ZBTB16: variants seen among roughly 807,000 people sequenced by gnomAD.
The protein encoded by ZBTB16 is zinc finger and BTB domain-containing protein 16.
A neutral mutation model predicts 56.8 loss-of-function variants in ZBTB16; 8 were observed. That is an observed-to-expected ratio of 0.14 (90% CI 0.08 to 0.25). The LOEUF is 0.25. Ranked by LOEUF, ZBTB16 falls within the 10% of genes least tolerant of loss-of-function variation. The probability of loss-of-function intolerance (pLI) is 1.00; values close to 1 mark genes in which losing one functional copy is unlikely to be tolerated. For synonymous variants in ZBTB16, 363 were observed against 368.5 expected, an observed-to-expected ratio of 0.98 and a Z score of 0.17; for missense variants, 625 against 903.0, an observed-to-expected ratio of 0.69 and a Z score of 3.95.
At position 114,065,373 on chromosome 11, in the gene ZBTB16, A is replaced by G. The variant is rs1327570669; in HGVS notation, c.1268+805A>G. On this transcript the variant is annotated intron_variant, in intron 2 of 6. Transcript: ENST00000335953. The stretch of plus-strand genomic sequence containing the variant: ...TTTGGTTCAGTACTAAGCACTTTCC[A>G]TGAGTTGCATTTTCATTACAACAGC... 1.3e-4 allele frequency among the ~76,000 whole-genome samples: 20 copies of G among 152,108 alleles called. 2 individuals carry two copies. In the South Asian group the frequency reaches 2.5e-3, roughly 19 times the overall value.
chr11:114,129,502 G>T (rs1055889116), intron 2 of ZBTB16, among the ~76,000 whole-genome samples: 1 of 152,212 alleles, frequency 6.6e-6, no homozygotes, highest in African/African-American at 2.4e-5. Context: ...CCCAGCACGC[G>T]CCCCTTGGCC....
intron 2 of ZBTB16, among the ~76,000 whole-genome samples, chr11:114,076,973 G>C (rs1254191829): frequency 6.6e-6 from 1 of 152,098 alleles, no homozygotes; most frequent in Non-Finnish European, 1.5e-5. Context: ...TCAACGGCTG[G>C]GGGGGAGAAT....
chr11:114,240,626 ACAGAGCC>A (rs571990600), intron 4 of ZBTB16, among the ~76,000 whole-genome samples: 1 of 152,246 alleles, frequency 6.6e-6, no homozygotes, highest in East Asian at 1.9e-4. Context: ...GCTCAGGAAA[ACAGAGCC>A]CAAAAGGGTG....
chr11:114,164,384 T>C (rs940859606), intron 3 of ZBTB16, among the ~76,000 whole-genome samples: 1 of 152,196 alleles, frequency 6.6e-6, no homozygotes, highest in African/African-American at 2.4e-5. Flanking sequence ...TATTAGGAAA[T>C]GAATGGTGCC....
At chr11:114,223,089 C>T (rs553950858) in intron 4 of ZBTB16, among the ~76,000 whole-genome samples, 1 of 152,306 alleles carries the variant, frequency 6.6e-6, no homozygotes, top group East Asian at 1.9e-4. Context: ...TGTAGGTGCT[C>T]GTTGGCTGCA....
chr11:114,112,238 A>G (rs1249162134), intron 2 of ZBTB16, among the ~76,000 whole-genome samples: 1 of 152,204 alleles, frequency 6.6e-6, no homozygotes, highest in African/African-American at 2.4e-5. Flanking sequence ...GATTCTTCCC[A>G]GTCTATCATT....
At chr11:114,114,675 G>GT (rs1182346799) in intron 2 of ZBTB16, among the ~76,000 whole-genome samples, 1 of 150,026 alleles carries the variant, frequency 6.7e-6, no homozygotes, top group Non-Finnish European at 1.5e-5. Flanking sequence ...TATGCTATAT[G>GT]TTTTTTCTTT....
rs1938748004 is a variant in ZBTB16, at chr11:114,059,787, G to A, written c.-186G>A. Reference sequence around the variant, plus strand: ...ATGCTGTCGCTGCCGCCGTGATACGGAGAGCAACAGTTCCCCAGCAACACC... The same window carrying A: ...ATGCTGTCGCTGCCGCCGTGATACGAAGAGCAACAGTTCCCCAGCAACACC... On this transcript the variant is annotated 5_prime_UTR_variant, in exon 1 of 7. Coordinates refer to ENST00000335953, the MANE Select transcript of ZBTB16 (RefSeq NM_006006.6). The surrounding 1 kb of genome is among the most constrained non-coding windows in gnomAD (Gnocchi z 5.3). The A allele has an allele frequency of 2.5e-6, 1 of 398,420 alleles. No homozygotes were observed. The highest frequency in any genetic ancestry group is 3.6e-5 in the East Asian group (1 of 28,024). The allele number at this position is 398,420 out of a possible 1,614,324, so 24.7% of individuals were successfully genotyped here.
intron 2 of ZBTB16, among the ~76,000 whole-genome samples, chr11:114,105,173 G>A (rs1483723382): frequency 6.6e-6 from 1 of 151,622 alleles, no homozygotes. Context: ...CTGATTTTTT[G>A]AAAAAGCCTG....
chr11:114,078,790 T>A (rs1018923227), intron 2 of ZBTB16, among the ~76,000 whole-genome samples: 1 of 151,872 alleles, frequency 6.6e-6, no homozygotes, highest in African/African-American at 2.4e-5. Flanking sequence ...GGGAAGAAGG[T>A]TGGCTTTAGA....
chr11:114,242,017 GTGTTGCATAGCC>G (rs1944715635), intron 4 of ZBTB16, 138 bp from the exon 5 acceptor site: 2 of 1,036,192 alleles, frequency 1.9e-6, no homozygotes, highest in Admixed American at 4.0e-5. Flanking sequence ...TGGGTGCTCA[GTGTTGCATAGCC>G]TGGGCCCACT....
intron 3 of ZBTB16, among the ~76,000 whole-genome samples, chr11:114,178,921 C>T (rs886532376): frequency 2.6e-5 from 4 of 152,152 alleles, no homozygotes; most frequent in Non-Finnish European, 5.9e-5. Flanking sequence ...ATCTAAAAAC[C>T]ACCTGTCCTC....
At chr11:114,066,421 G>A (rs959423324) in intron 2 of ZBTB16, among the ~76,000 whole-genome samples, 3 of 152,198 alleles carry the variant, frequency 2.0e-5, no homozygotes, top group Non-Finnish European at 4.4e-5. Flanking sequence ...CTTTCCTAAA[G>A]AGGAAACCCG....
chr11:114,078,081 G>A (rs1032680245), intron 2 of ZBTB16, among the ~76,000 whole-genome samples: 1 of 152,178 alleles, frequency 6.6e-6, no homozygotes, highest in African/African-American at 2.4e-5. Context: ...GGCTGGAGAA[G>A]TGTGAAAGAG....
At chr11:114,087,813 C>A (rs1415676496) in intron 2 of ZBTB16, among the ~76,000 whole-genome samples, 1 of 152,202 alleles carries the variant, frequency 6.6e-6, no homozygotes, top group Non-Finnish European at 1.5e-5. Flanking sequence ...CACTCTTCAT[C>A]CCTTTCTCTG....
At chr11:114,232,592 AGGGTTGGGCTGGGTT>A (rs1047429246) in intron 4 of ZBTB16, among the ~76,000 whole-genome samples, 2 of 108,258 alleles carry the variant, frequency 1.8e-5, no homozygotes, top group Non-Finnish European at 3.8e-5. Context: ...TGCCCCACCC[AGGGTTGGGCTGGGTT>A]GGGTTGGGCT....
intron 2 of ZBTB16, among the ~76,000 whole-genome samples, chr11:114,125,766 A>G (rs1355973203): frequency 6.6e-6 from 1 of 152,086 alleles, no homozygotes; most frequent in Non-Finnish European, 1.5e-5. Flanking sequence ...CAGGAGCGCC[A>G]TCTTGCTTTA....
chr11:114,142,222 T>A (rs942744786), intron 2 of ZBTB16, among the ~76,000 whole-genome samples: 3 of 152,186 alleles, frequency 2.0e-5, no homozygotes, highest in Non-Finnish European at 4.4e-5. Context: ...AGGCATTGTG[T>A]GGAGTATGGT....
chr11:114,236,057 C>A (rs17438970), intron 4 of ZBTB16, among the ~76,000 whole-genome samples: 2 of 152,050 alleles, frequency 1.3e-5, no homozygotes, highest in African/African-American at 4.8e-5. Flanking sequence ...TGAGCAGATA[C>A]CCTGGGAGTC....
Sources: allele counts gnomAD v4.1 joint callset (sites outside exome capture counted in the v4.1 genomes callset), GRCh38; gene constraint gnomAD v4.1.1; non-coding constraint Gnocchi (gnomAD v3.1); transcripts MANE v1.5; gene names NCBI Gene and HGNC (gene_info 2026-07-23, HGNC 2026-07-21).